Variants in DDX10 observed in about 807,000 individuals in gnomAD.
The protein encoded by DDX10 is DEAD-box helicase 10, also known as probable ATP-dependent RNA helicase DDX10.
Under a neutral mutation model 104.3 loss-of-function variants are expected in DDX10, and 74 were observed. That is an observed-to-expected ratio of 0.71 (90% CI 0.59 to 0.86). DDX10 has a LOEUF of 0.86. Among genes scored for constraint, DDX10 ranks in the 40% least tolerant of loss-of-function variants. The pLI is 0.00. For synonymous variants in DDX10, 351 were observed against 353.4 expected (o/e 0.99, Z 0.08); for missense variants, 952 against 1,040.0 (o/e 0.92, Z 1.16).
chr11:108,788,028 A>G (rs1159631432), intron 13 of DDX10, among the ~76,000 whole-genome samples: 3 of 152,178 alleles, frequency 2.0e-5, no homozygotes, highest in Non-Finnish European at 4.4e-5. Flanking sequence ...TTTGTCTTTC[A>G]AGCTTCTGGA....
chr11:108,741,426 C>A (rs2094325069), intron 13 of DDX10, among the ~76,000 whole-genome samples: 1 of 152,068 alleles, frequency 6.6e-6, no homozygotes, highest in Admixed American at 6.5e-5. Flanking sequence ...TTGATTGTTC[C>A]TATCTGTGGG....
At chr11:108,840,298 G>A (rs1384902555) in intron 14 of DDX10, among the ~76,000 whole-genome samples, 1 of 152,194 alleles carries the variant, frequency 6.6e-6, no homozygotes, top group East Asian at 1.9e-4. Context: ...GAGTGAGAGA[G>A]GAGACATTAA....
intron 13 of DDX10, among the ~76,000 whole-genome samples, chr11:108,792,040 G>A (rs1861878408): frequency 6.6e-6 from 1 of 152,072 alleles, no homozygotes; most frequent in Non-Finnish European, 1.5e-5. Context: ...GTGACTAATG[G>A]TGTTGACATC....
chr11:108,784,134 G>C (rs1861752512), intron 13 of DDX10, among the ~76,000 whole-genome samples: 1 of 152,094 alleles, frequency 6.6e-6, no homozygotes, highest in Non-Finnish European at 1.5e-5. Context: ...ATATGTTTTT[G>C]ATACTGTAAA....
intron 13 of DDX10, among the ~76,000 whole-genome samples, chr11:108,747,824 C>T (rs567031628): frequency 6.6e-6 from 1 of 152,178 alleles, no homozygotes; most frequent in South Asian, 2.1e-4. Flanking sequence ...AACATTATGA[C>T]CCTAAAGTTA....
At chr11:108,819,346 G>C (rs1349205822) in intron 13 of DDX10, among the ~76,000 whole-genome samples, 1 of 151,946 alleles carries the variant, frequency 6.6e-6, no homozygotes, top group Non-Finnish European at 1.5e-5. Context: ...TTTACTTTCA[G>C]TACCAGCATA....
intron 13 of DDX10, among the ~76,000 whole-genome samples, chr11:108,837,771 C>T (rs1026548118): frequency 5.9e-5 from 9 of 151,532 alleles, no homozygotes; most frequent in African/African-American, 1.2e-4. Flanking sequence ...TACAGGCGCC[C>T]GCCACCACAC....
intron 6 of DDX10, 96 bp from the exon 7 acceptor site, chr11:108,688,840 G>T: frequency 1.5e-6 from 2 of 1,360,362 alleles, no homozygotes; most frequent in Non-Finnish European, 2.0e-6. Flanking sequence ...TTGCTTGAGA[G>T]ATGTGCCACT....
chr11:108,843,043 A>G (rs1370330631), intron 15 of DDX10, among the ~76,000 whole-genome samples: 2 of 152,214 alleles, frequency 1.3e-5, no homozygotes, highest in Non-Finnish European at 2.9e-5. Context: ...TGTTTTATAC[A>G]GTGTTAATGT....
intron 9 of DDX10, among the ~76,000 whole-genome samples, chr11:108,704,578 G>A (rs2094273271): frequency 6.6e-6 from 1 of 152,162 alleles, no homozygotes; most frequent in African/African-American, 2.4e-5. Context: ...TGCTCAGTGT[G>A]TCACCTCACT....
At chr11:108,832,272 TCTTCTAGTTG>T (rs1862483520) in intron 13 of DDX10, among the ~76,000 whole-genome samples, 1 of 152,164 alleles carries the variant, frequency 6.6e-6, no homozygotes, top group African/African-American at 2.4e-5. Context: ...TTTTTAAAAA[TCTTCTAGTTG>T]GAAAACTAAA....
chr11:108,672,126 A>G (rs1407659214), intron 1 of DDX10, among the ~76,000 whole-genome samples: 1 of 151,564 alleles, frequency 6.6e-6, no homozygotes, highest in Non-Finnish European at 1.5e-5. Flanking sequence ...TGCTTGATTG[A>G]AGAGTGTTGG....
intron 1 of DDX10, among the ~76,000 whole-genome samples, chr11:108,671,904 A>G (rs1264876043): frequency 3.3e-5 from 5 of 151,864 alleles, no homozygotes; most frequent in African/African-American, 1.2e-4. Flanking sequence ...CTAAAAATAC[A>G]GAAAAAATTA....
At chr11:108,847,329 A>T (rs1862733391) in intron 15 of DDX10, among the ~76,000 whole-genome samples, 1 of 152,356 alleles carries the variant, frequency 6.6e-6, no homozygotes, top group African/African-American at 2.4e-5. Context: ...GTGTTGTGTC[A>T]TCATTCTTAG....
In DDX10 at chr11:108,841,397, A is replaced by G. The variant is rs1862636370; in HGVS notation, c.2168A>G (p.His723Arg). ...GATGACACAGGTGGTATCAACTTACATAAAGCAAAGGAAAGACTTCAGGAA... is the reference window on the plus strand; with the variant it reads ...GATGACACAGGTGGTATCAACTTACGTAAAGCAAAGGAAAGACTTCAGGAA... ...EDDDTGGINL[H>R]KAKERLQEED... The change falls in exon 15 of 18, where the codon CAT becomes CGT. Residue 723 changes from histidine (H) to arginine (R), a missense_variant. His to Arg is a conservative substitution (Grantham distance 29, BLOSUM62 0). Coordinates refer to ENST00000322536, the MANE Select transcript of DDX10 (RefSeq NM_004398.4). 6.2e-7 allele frequency: 1 copy of G among 1,614,028 alleles called. No individual in the cohort carries two copies. The highest frequency in any genetic ancestry group is 2.2e-5 in the East Asian group (1 of 44,870).
intron 13 of DDX10, among the ~76,000 whole-genome samples, chr11:108,729,139 C>CA: frequency 6.6e-6 from 1 of 152,112 alleles, no homozygotes; most frequent in African/African-American, 2.4e-5. Context: ...GTAATTGTTT[C>CA]AAAAATTTTA....
intron 16 of DDX10, among the ~76,000 whole-genome samples, chr11:108,908,724 A>G (rs1426794689): frequency 6.6e-6 from 1 of 152,214 alleles, no homozygotes; most frequent in African/African-American, 2.4e-5. Flanking sequence ...GTGTCAGACA[A>G]CAGACATTAC....
At chr11:108,755,465 A>T (rs1230911137) in intron 13 of DDX10, among the ~76,000 whole-genome samples, 1 of 152,032 alleles carries the variant, frequency 6.6e-6, no homozygotes, top group Non-Finnish European at 1.5e-5. Flanking sequence ...ACACAGACAT[A>T]CTCATTTGTT....
chr11:108,698,136 C>T (rs2094262487), intron 9 of DDX10, among the ~76,000 whole-genome samples: 1 of 152,146 alleles, frequency 6.6e-6, no homozygotes, highest in Non-Finnish European at 1.5e-5. Context: ...AAGATGGCCA[C>T]TAGTTAAAAT....
Sources: allele counts gnomAD v4.1 joint callset (sites outside exome capture counted in the v4.1 genomes callset), GRCh38; gene constraint gnomAD v4.1.1; transcripts MANE v1.5; gene names NCBI Gene and HGNC (gene_info 2026-07-23, HGNC 2026-07-21).